The following ATP8A1 variants were observed in gnomAD, a reference collection of about 807,000 sequenced individuals.
The protein encoded by ATP8A1 is ATPase phospholipid transporting 8A1, also known as phospholipid-transporting ATPase IA.
In ATP8A1, 90 loss-of-function variants were observed where a neutral mutation model predicts 177.7. That is an observed-to-expected ratio of 0.51 (90% CI 0.43 to 0.60). The LOEUF (loss-of-function observed/expected upper bound fraction) is 0.60. ATP8A1 is among the 20% of genes least tolerant of loss of function. The pLI is 0.00. For synonymous variants in ATP8A1, 493 were observed against 485.9 expected (o/e 1.01, Z -0.19); for missense variants, 1,072 against 1,392.8 (o/e 0.77, Z 3.67).
intron 14 of ATP8A1, 130 bp downstream of exon 14, chr4:42,574,489 A>C (rs1732227321): frequency 1.4e-6 from 1 of 703,864 alleles, no homozygotes; most frequent in Non-Finnish European, 2.4e-6. Flanking sequence ...TAAAATTATA[A>C]CAGCTGCTTT....
intron 24 of ATP8A1, among the ~76,000 whole-genome samples, chr4:42,495,371 A>G (rs1483679387): frequency 6.6e-6 from 1 of 152,140 alleles, no homozygotes; most frequent in Admixed American, 6.5e-5. Context: ...TGTGTTATTG[A>G]TTCAGTGGAA....
chr4:42,421,531 G>A (rs1713924542), intron 35 of ATP8A1, among the ~76,000 whole-genome samples: 1 of 152,128 alleles, frequency 6.6e-6, no homozygotes, highest in Non-Finnish European at 1.5e-5. Flanking sequence ...CAGTGAGATA[G>A]TACACGTAAA....
chr4:42,446,739 T>C (rs1364796451), intron 30 of ATP8A1, 95 bp from the exon 31 acceptor site: 32 of 1,118,926 alleles, frequency 2.9e-5, no homozygotes, highest in Non-Finnish European at 3.7e-5. Flanking sequence ...GGAAGGGAAA[T>C]CAAGGGATAC....
chr4:42,546,688 T>C (rs1193746272), intron 19 of ATP8A1, among the ~76,000 whole-genome samples: 1 of 152,058 alleles, frequency 6.6e-6, no homozygotes, highest in Non-Finnish European at 1.5e-5. Context: ...ATCACTCATC[T>C]ATCCCCTTCA....
intron 1 of ATP8A1, among the ~76,000 whole-genome samples, chr4:42,648,547 C>G (rs905985481): frequency 1.3e-5 from 2 of 151,854 alleles, no homozygotes; most frequent in Non-Finnish European, 2.9e-5. Context: ...GTAAATCACA[C>G]AGGAATTACT....
chr4:42,422,842 T>G lies in ATP8A1; in HGVS notation c.3270A>C (p.Lys1090Asn). 4 of 1,613,060 alleles carry G rather than the reference T, an allele frequency of 2.5e-6. No individual in the cohort carries two copies. The highest frequency in any genetic ancestry group is 3.4e-6 in the Non-Finnish European group (4 of 1,179,792). The change falls in exon 35 of 37, where the codon AAA (lysine) becomes AAC (asparagine). Residue 1090 changes from lysine (K) to asparagine (N), a missense_variant. Coordinates refer to ENST00000381668, the MANE Select transcript of ATP8A1 (RefSeq NM_006095.2). ...GTACAACTGCTCCTGGGTCTTGAGATTTTGCCTCCAGCTCCTGAACTTCAT... is the reference window on the plus strand; with the variant it reads ...GTACAACTGCTCCTGGGTCTTGAGAGTTTGCCTCCAGCTCCTGAACTTCAT... Reference protein sequence around the residue: ...LVDEVQELEAKSQDPGAVVLG... With the variant: ...LVDEVQELEANSQDPGAVVLG...
chr4:42,540,589 A>G (rs898567126), intron 20 of ATP8A1, among the ~76,000 whole-genome samples: 1 of 152,126 alleles, frequency 6.6e-6, no homozygotes, highest in Non-Finnish European at 1.5e-5. Context: ...ACACAATGGT[A>G]TACTATTCAG....
chr4:42,641,620 G>A (rs1328485008), intron 1 of ATP8A1, among the ~76,000 whole-genome samples: 5 of 152,056 alleles, frequency 3.3e-5, no homozygotes, highest in Admixed American at 1.3e-4. Flanking sequence ...TACTACAAAT[G>A]CTTGTAGGAT....
chr4:42,485,776 T>C (rs1722134250), intron 24 of ATP8A1, 108 bp from the exon 25 acceptor site: 1 of 942,436 alleles, frequency 1.1e-6, no homozygotes, highest in African/African-American at 1.7e-5. Context: ...TAGTGCTTTT[T>C]ATGTTTCAAA....
At chr4:42,547,291 C>G (rs1018486924) in intron 19 of ATP8A1, among the ~76,000 whole-genome samples, 2 of 152,222 alleles carry the variant, frequency 1.3e-5, no homozygotes, top group African/African-American at 4.8e-5. Context: ...CTCACAAAGT[C>G]TCTCAGATAT....
At chr4:42,511,905 C>T (rs1202848273) in intron 22 of ATP8A1, among the ~76,000 whole-genome samples, 2 of 152,018 alleles carry the variant, frequency 1.3e-5, no homozygotes, top group African/African-American at 4.8e-5. Context: ...CAGATTACAA[C>T]ATGGGCTATT....
chr4:42,480,617 T>G (rs1721576725), intron 25 of ATP8A1, among the ~76,000 whole-genome samples: 1 of 152,198 alleles, frequency 6.6e-6, no homozygotes, highest in East Asian at 1.9e-4. Flanking sequence ...CTAAAGACAA[T>G]CTCTAAAGAT....
intron 1 of ATP8A1, among the ~76,000 whole-genome samples, chr4:42,648,354 G>T (rs1161067068): frequency 6.6e-6 from 1 of 151,934 alleles, no homozygotes; most frequent in Non-Finnish European, 1.5e-5. Context: ...AATAAAGAGA[G>T]GTGGCGGCGG....
At chr4:42,465,488 T>C (rs951506361) in intron 25 of ATP8A1, among the ~76,000 whole-genome samples, 2 of 152,356 alleles carry the variant, frequency 1.3e-5, no homozygotes, top group South Asian at 2.1e-4. Context: ...CAATCTGATC[T>C]TAGATAATGT....
intron 1 of ATP8A1, among the ~76,000 whole-genome samples, chr4:42,630,080 A>G (rs1272981826): frequency 6.6e-6 from 1 of 152,224 alleles, no homozygotes; most frequent in Non-Finnish European, 1.5e-5. Flanking sequence ...CTATTTTATG[A>G]TTTCATTTTT....
intron 24 of ATP8A1, among the ~76,000 whole-genome samples, chr4:42,486,685 G>A (rs1028649360): frequency 7.2e-5 from 11 of 152,262 alleles, no homozygotes; most frequent in Admixed American, 3.3e-4. Flanking sequence ...ACTATGTTTT[G>A]GTCAACAGAC....
chr4:42,604,779 G>A (rs1343086067), intron 5 of ATP8A1, among the ~76,000 whole-genome samples: 1 of 152,154 alleles, frequency 6.6e-6, no homozygotes, highest in East Asian at 1.9e-4. Context: ...CAACCCACAT[G>A]TCTATCAACT....
chr4:42,418,900 TCTTC>T (rs1469806508), intron 35 of ATP8A1, among the ~76,000 whole-genome samples: 1 of 152,342 alleles, frequency 6.6e-6, no homozygotes, highest in Admixed American at 6.5e-5. Context: ...TAAATATTAA[TCTTC>T]CTTAAGTGCT....
chr4:42,413,583 A>G (rs1712874397), intron 36 of ATP8A1, among the ~76,000 whole-genome samples: 1 of 152,252 alleles, frequency 6.6e-6, no homozygotes, highest in African/African-American at 2.4e-5. Context: ...ATTCTCTCGT[A>G]GACTTAAAAT....
Sources: allele counts gnomAD v4.1 joint callset (sites outside exome capture counted in the v4.1 genomes callset), GRCh38; gene constraint gnomAD v4.1.1; transcripts MANE v1.5; gene names NCBI Gene and HGNC (gene_info 2026-07-23, HGNC 2026-07-21).